UNC13C: variants seen among roughly 807,000 people sequenced by gnomAD.
UNC13C encodes unc-13 homolog C.
In UNC13C, 174 loss-of-function variants were observed where a neutral mutation model predicts 245.4. The ratio of observed to expected loss-of-function variants is 0.71; its 90% confidence interval spans 0.63 to 0.80. UNC13C has a LOEUF of 0.80. Among genes scored for constraint, UNC13C ranks in the 30% least tolerant of loss-of-function variants. UNC13C has a pLI of 0.00. For missense variants in UNC13C, 2,829 were observed against 2,602.9 expected (o/e 1.09, Z -1.89); for synonymous variants, 992 against 895.1 (o/e 1.11, Z -1.93).
intron 26 of UNC13C, among the ~76,000 whole-genome samples, 163 bp from the exon 27 acceptor site, chr15:54,546,559 A>G (rs903165326): frequency 1.3e-5 from 2 of 152,228 alleles, no homozygotes; most frequent in African/African-American, 4.8e-5. Context: ...CATCAAATAT[A>G]GAGAATTATC....
intron 1 of UNC13C, among the ~76,000 whole-genome samples, chr15:53,987,819 G>A (rs1273424587): frequency 6.6e-6 from 1 of 152,026 alleles, no homozygotes; most frequent in Non-Finnish European, 1.5e-5. Context: ...GGATGTCTCT[G>A]TTCTTTCCTG....
intron 10 of UNC13C, among the ~76,000 whole-genome samples, chr15:54,273,505 G>A (rs1310945626): frequency 1.3e-5 from 2 of 152,122 alleles, no homozygotes; most frequent in African/African-American, 2.4e-5. Flanking sequence ...GTTTGCTGCT[G>A]GAAACCTATT....
At chr15:54,015,991 C>G (rs1895639334) in intron 2 of UNC13C, 105 bp downstream of exon 2, 6 of 998,388 alleles carry the variant, frequency 6.0e-6, no homozygotes, top group Non-Finnish European at 8.6e-6. Context: ...AGTTTACTTG[C>G]AATGACTTTC....
In UNC13C at chr15:54,417,200, G is replaced by A. The variant is rs1480353545; in HGVS notation, c.4933+2133G>A. 4 of 322,544 alleles carry A rather than the reference G, an allele frequency of 1.2e-5. No homozygotes were observed. The Admixed American group carries it at 1.3e-4, about 11-fold the overall frequency. The allele number at this position is 322,544 out of a possible 1,614,324, so 20.0% of individuals were successfully genotyped here. A position where few individuals can be genotyped will look rare whatever the true frequency, so the allele number is the denominator to read the frequency against. On this transcript the variant is annotated intron_variant, in intron 19 of 32. Coordinates refer to ENST00000260323, the MANE Select transcript of UNC13C (RefSeq NM_001080534.3). The stretch of plus-strand genomic sequence containing the variant: ...TGCCTATAATGATGTTTAGAAAATA[G>A]AAGCTACTCAATAACTACTTGTTGA...
At chr15:54,159,112 A>G (rs2032871224) in intron 4 of UNC13C, among the ~76,000 whole-genome samples, 1 of 152,158 alleles carries the variant, frequency 6.6e-6, no homozygotes, top group Admixed American at 6.5e-5. Context: ...TAGAAACTTG[A>G]CACTTTCTGT....
At chr15:54,073,069 C>T (rs545712155) in intron 2 of UNC13C, among the ~76,000 whole-genome samples, 98 of 152,104 alleles carry the variant, frequency 6.4e-4, no homozygotes, top group Middle Eastern at 3.4e-3. Context: ...ATGTGATGTT[C>T]CCCTCCCTGT....
chr15:54,049,613 A>T, intron 2 of UNC13C: 1 of 249,884 alleles, frequency 4.0e-6, no homozygotes, highest in Non-Finnish European at 7.9e-6. Context: ...GTGTTTTTCC[A>T]CCACAGGTGC....
At chr15:54,010,288 G>A (rs1368393516) in intron 1 of UNC13C, among the ~76,000 whole-genome samples, 1 of 152,150 alleles carries the variant, frequency 6.6e-6, no homozygotes, top group African/African-American at 2.4e-5. Context: ...AGAGTTTATA[G>A]TCAGATAGGA....
the UNC13C span, among the ~76,000 whole-genome samples, chr15:53,849,879 A>G: frequency 6.6e-6 from 1 of 152,192 alleles, no homozygotes; most frequent in East Asian, 1.9e-4. Flanking sequence ...CTACACATAC[A>G]TATGTGAGAC....
At chr15:54,201,313 A>G (rs1026323116) in intron 4 of UNC13C, among the ~76,000 whole-genome samples, 3 of 152,114 alleles carry the variant, frequency 2.0e-5, no homozygotes, top group African/African-American at 7.2e-5. Context: ...AAATCATTCT[A>G]TGAAGCCAGT....
At chr15:54,207,370 C>G (rs560139315) in intron 4 of UNC13C, among the ~76,000 whole-genome samples, 1 of 151,944 alleles carries the variant, frequency 6.6e-6, no homozygotes, top group Admixed American at 6.6e-5. Context: ...TTCTTATTTT[C>G]TTTCTCTCAT....
At chr15:54,284,854 A>G (rs1321593428) in intron 10 of UNC13C, among the ~76,000 whole-genome samples, 10 of 152,108 alleles carry the variant, frequency 6.6e-5, no homozygotes, top group Non-Finnish European at 1.5e-5. Flanking sequence ...CAACTGTTTT[A>G]ATGTTATTTA....
chr15:53,915,635 T>C, the UNC13C span, among the ~76,000 whole-genome samples: 4,883 of 152,286 alleles, frequency 0.032, 276 homozygotes, highest in African/African-American at 0.11. Context: ...TAGAATATGA[T>C]TAGTAAATAT....
chr15:54,129,179 A>G (rs927746062), intron 2 of UNC13C, among the ~76,000 whole-genome samples: 2 of 152,194 alleles, frequency 1.3e-5, no homozygotes, highest in African/African-American at 4.8e-5. Flanking sequence ...TGGAAGTGGA[A>G]GTTCCACTAA....
At chr15:53,970,132 ACTCCAACCTTTG>A in the UNC13C span, among the ~76,000 whole-genome samples, 6 of 148,392 alleles carry the variant, frequency 4.0e-5, no homozygotes, top group South Asian at 2.1e-4. Context: ...CTCACTCCTC[ACTCCAACCTTTG>A]CTCCAACCTT....
chr15:54,607,635 G>A (rs895822234), intron 30 of UNC13C, among the ~76,000 whole-genome samples: 1 of 152,206 alleles, frequency 6.6e-6, no homozygotes, highest in Non-Finnish European at 1.5e-5. Flanking sequence ...AATTGACTCA[G>A]TTATGCAGGC....
At chr15:54,506,997 G>C (rs998415238) in intron 22 of UNC13C, 120 bp from the exon 23 acceptor site, 19 of 599,204 alleles carry the variant, frequency 3.2e-5, no homozygotes, top group African/African-American at 3.2e-4. Flanking sequence ...GTTAGAGGGA[G>C]AAAAAAATGT....
the UNC13C span, among the ~76,000 whole-genome samples, chr15:53,849,736 C>A: frequency 1.3e-5 from 2 of 152,028 alleles, no homozygotes; most frequent in Non-Finnish European, 2.9e-5. Flanking sequence ...TGGCAGCAAC[C>A]ATCAATTATC....
At chr15:54,024,146 G>A (rs550321385) in intron 2 of UNC13C, among the ~76,000 whole-genome samples, 1 of 152,282 alleles carries the variant, frequency 6.6e-6, no homozygotes, top group Non-Finnish European at 1.5e-5. Context: ...AGGAACAAGA[G>A]AGGAGACCGA....
Sources: gnomAD v4.1 joint callset for allele counts (sites outside exome capture counted in the v4.1 genomes callset) on GRCh38, gnomAD v4.1.1 for gene constraint, MANE v1.5 for transcripts, NCBI Gene and HGNC (gene_info 2026-07-23, HGNC 2026-07-21) for gene names.